The following RASGRF1 variants were observed in gnomAD, a reference collection of about 807,000 sequenced individuals.
RASGRF1 encodes Ras protein specific guanine nucleotide releasing factor 1, also known as ras-specific guanine nucleotide-releasing factor 1.
Under a neutral mutation model 138.7 loss-of-function variants are expected in RASGRF1, and 40 were observed. That is an observed-to-expected ratio of 0.29 (90% CI 0.22 to 0.38). The LOEUF (loss-of-function observed/expected upper bound fraction) is 0.38, where lower values mean the gene tolerates loss of function less well. Ranked by LOEUF, RASGRF1 falls within the 10% of genes least tolerant of loss-of-function variation. The pLI is 1.00. For missense variants in RASGRF1, 1,108 were observed against 1,650.4 expected, an observed-to-expected ratio of 0.67 and a Z score of 5.69; for synonymous variants, 614 against 663.2, an observed-to-expected ratio of 0.93 and a Z score of 1.14.
At chr15:78,980,761 G>A in intron 23 of RASGRF1, 62 bp from the exon 24 acceptor site, 3 of 1,296,100 alleles carry the variant, frequency 2.3e-6, no homozygotes, top group Non-Finnish European at 3.3e-6. Context: ...GAGGCCCGGG[G>A]ATCAGGCCCA....
At chr15:78,967,884 A>G (rs543597095) in intron 26 of RASGRF1, among the ~76,000 whole-genome samples, 25 of 152,340 alleles carry the variant, frequency 1.6e-4, no homozygotes, top group South Asian at 1.4e-3. Flanking sequence ...ATTCTCTTAC[A>G]TAACCATAAC....
Position 78,973,451 on chromosome 15 carries a change from T to A in RASGRF1, c.3495-31A>T, listed in dbSNP as rs374574707. The A allele has an allele frequency of 2.7e-5, 41 of 1,518,644 alleles. No individual in the cohort carries two copies. The highest frequency in any genetic ancestry group is 3.6e-5 in the Non-Finnish European group (40 of 1,102,380). 94.1% of individuals were successfully genotyped at this position (1,518,644 alleles called of 1,614,324 possible). ...AAGCAAACGGCATTAACACAAGTTTTTCATTTTAAAAAAGTAACGTCTACC... is the reference window on the plus strand; with the variant it reads ...AAGCAAACGGCATTAACACAAGTTTATCATTTTAAAAAAGTAACGTCTACC... On this transcript the variant is annotated intron_variant, in intron 24 of 26. Coordinates refer to ENST00000558480, the MANE Select transcript of RASGRF1 (RefSeq NM_001145648.3). This position sits in a 1 kb window ranked among gnomAD's most constrained non-coding sequence, Gnocchi z 4.9.
chr15:79,040,459 A>G (rs1370521769), intron 5 of RASGRF1, among the ~76,000 whole-genome samples: 3 of 152,122 alleles, frequency 2.0e-5, no homozygotes, highest in African/African-American at 7.2e-5. Context: ...TTGGCCTTCA[A>G]CACCCTGTAG....
At chr15:79,052,083 A>G (rs938269546) in intron 3 of RASGRF1, among the ~76,000 whole-genome samples, 1 of 151,858 alleles carries the variant, frequency 6.6e-6, no homozygotes, top group African/African-American at 2.4e-5. Context: ...TCACACCCTG[A>G]CTCTGGCTGG....
intron 26 of RASGRF1, among the ~76,000 whole-genome samples, chr15:78,967,126 A>G (rs12439799): frequency 0.015 from 2,284 of 152,092 alleles, 59 homozygotes; most frequent in Admixed American, 0.065. Flanking sequence ...TGTCTCTATA[A>G]AAAAATAAAA....
intron 14 of RASGRF1, among the ~76,000 whole-genome samples, chr15:79,004,414 C>T (rs2141715892): frequency 6.6e-6 from 1 of 152,262 alleles, no homozygotes; most frequent in Non-Finnish European, 1.5e-5. Flanking sequence ...TGCTCCGCCC[C>T]CCCACCCCCT....
intron 23 of RASGRF1, 108 bp from the exon 24 acceptor site, chr15:78,980,807 G>T (rs767292005): frequency 7.8e-5 from 63 of 809,356 alleles, no homozygotes; most frequent in Non-Finnish European, 1.0e-4. Context: ...CTCCAGAATT[G>T]CCTTCCCTTG....
chr15:78,972,381 G>A (rs562170254), intron 25 of RASGRF1, among the ~76,000 whole-genome samples: 5 of 149,102 alleles, frequency 3.4e-5, no homozygotes, highest in East Asian at 3.9e-4. Context: ...AGGTGTGAGC[G>A]ACCACACCCG....
At chr15:78,991,146 T>C (rs1280051061) in intron 21 of RASGRF1, among the ~76,000 whole-genome samples, 1 of 152,268 alleles carries the variant, frequency 6.6e-6, no homozygotes. Context: ...TGTTAGAGAA[T>C]GCTGTGTACT....
chr15:78,970,150 G>C lies in RASGRF1; in HGVS notation c.3681+1716C>G, dbSNP rs1478082558. 9.8e-5 allele frequency among the ~76,000 whole-genome samples: 15 copies of C among 152,302 alleles called. No individual in the cohort carries two copies. The East Asian group carries it at 2.9e-3, about 29-fold the overall frequency. ...TTGATTTTCCGGTGTGCTTGAGGGT[G>C]TGTCTGGAGCTGGATGTTTTTGTGA... On this transcript the variant is annotated intron_variant, in intron 26 of 26. Transcript: ENST00000558480.
intron 23 of RASGRF1, chr15:78,981,330 G>A (rs1020690373): frequency 2.6e-5 from 4 of 152,206 alleles, no homozygotes; most frequent in East Asian, 1.9e-4. Flanking sequence ...GGAGCACCCC[G>A]GGTCAAGCCT....
Position 79,050,237 on chromosome 15 carries a change from G to A in RASGRF1, c.532-649C>T, listed in dbSNP as rs538054946. ...ACTCCTCTAGGTACCTCATCTAAGC[G>A]GAATCATGCACTATTTGTCTTTCTG... On this transcript the variant is annotated intron_variant, in intron 3 of 26. Transcript: ENST00000558480. The surrounding 1 kb of genome is among the most constrained non-coding windows in gnomAD (Gnocchi z 4.1). Among the ~76,000 whole-genome samples, 31 of 152,138 alleles carry A rather than the reference G, an allele frequency of 2.0e-4. No homozygotes were observed. The South Asian group carries it at 4.2e-3, about 20-fold the overall frequency.
Position 79,006,584 on chromosome 15 carries a change from G to A in RASGRF1, c.1827-150C>T. 2.1e-6 allele frequency: 2 copies of A among 964,572 alleles called. No homozygotes were observed. The highest frequency in any genetic ancestry group is 2.7e-5 in the East Asian group (1 of 37,664). 59.8% of individuals were successfully genotyped at this position (964,572 alleles called of 1,614,324 possible). ...AAGCTTGGGAAGGATGACACTGAAG[G>A]AGGGCTACAACTTCTTTTTCCCAAT... On this transcript the variant is annotated intron_variant, in intron 13 of 26. Coordinates refer to ENST00000558480, the MANE Select transcript of RASGRF1 (RefSeq NM_001145648.3). The surrounding 1 kb of genome is among the most constrained non-coding windows in gnomAD (Gnocchi z 4.0).
intron 5 of RASGRF1, among the ~76,000 whole-genome samples, chr15:79,042,572 T>A (rs1403912254): frequency 6.6e-6 from 1 of 152,222 alleles, no homozygotes; most frequent in Non-Finnish European, 1.5e-5. Flanking sequence ...GAAAATGGGT[T>A]GCTGGAGAGA....
At position 79,001,692 on chromosome 15, in the gene RASGRF1, G is replaced by C. The variant is rs777766335; in HGVS notation, c.2545C>G (p.Pro849Ala). The change falls in exon 16 of 27, where the codon CCC (proline) becomes GCC (alanine). Residue 849 changes from proline (P) to alanine (A), a missense_variant. Pro to Ala is a conservative substitution (Grantham distance 27). Transcript: ENST00000558480. ...GAATTTTTGTTTTTGACTGATTTGG[G>C]TGTTGTTGGAGATTTAGTTGGTGAT... The part of the protein sequence containing the change: ...ETSPTKSPTT[P>A]KSVKNKNSSE... The C allele has an allele frequency of 1.2e-6, 2 of 1,612,224 alleles. No homozygotes were observed. The highest frequency in any genetic ancestry group is 1.7e-6 in the Non-Finnish European group (2 of 1,178,364).
chr15:79,052,690 A>G lies in RASGRF1; in HGVS notation c.532-3102T>C, dbSNP rs540692746. ...CAAGGCTCCCCAGGAAAGGTTTTGA[A>G]GGGCAAACAGGAGTCCAACAGTTGG... On this transcript the variant is annotated intron_variant, in intron 3 of 26. Transcript: ENST00000558480. Among the ~76,000 whole-genome samples, 28 of 152,360 alleles carry G rather than the reference A, an allele frequency of 1.8e-4. No individual in the cohort carries two copies. In the East Asian group the frequency reaches 5.4e-3, roughly 29 times the overall value.
Position 79,058,391 on chromosome 15 carries a change from C to T in RASGRF1, c.474G>A (p.Lys158=), listed in dbSNP as rs748041469. 1 of 1,614,202 alleles carries T rather than the reference C, an allele frequency of 6.2e-7. No homozygotes were observed. ...CATCCTCGATCTGCTGCCGAAGCTG[C>T]TTGGCCACGGTCTTCTCTGTCTCCA... The part of the protein sequence containing the change: ...QIVETEKTVA[K]QLRQQIEDGE... The change falls in exon 3 of 27, where the codon AAG becomes AAA. Residue 158 remains lysine (K), a synonymous_variant. Transcript: ENST00000558480.
chr15:78,994,616 C>T (rs992991267), intron 20 of RASGRF1, among the ~76,000 whole-genome samples: 3 of 152,190 alleles, frequency 2.0e-5, no homozygotes, highest in Admixed American at 6.5e-5. Context: ...GTGCACATCA[C>T]TGACTTGGAA....
chr15:79,017,804 T>G lies in RASGRF1; in HGVS notation c.1709A>C (p.Gln570Pro). The change falls in exon 12 of 27, where the codon CAG becomes CCG. Residue 570 changes from glutamine (Q) to proline (P), a missense_variant. This residue lies in a region of RASGRF1 where 686 missense variants were observed against 976.7 expected (regional missense o/e 0.70). Coordinates refer to ENST00000558480, the MANE Select transcript of RASGRF1 (RefSeq NM_001145648.3). ...GTCACTGGTCCACGCTGCCTTCTCC[T>G]GTCTGGACGAGGCCACTAGGATGAC... ...FTVILVASSR[Q>P]EKAAWTSDIS... 1 of 1,611,950 alleles carries G rather than the reference T, an allele frequency of 6.2e-7. No homozygotes were observed. The highest frequency in any genetic ancestry group is 8.5e-7 in the Non-Finnish European group (1 of 1,179,328).
Sources: allele counts gnomAD v4.1 joint callset (sites outside exome capture counted in the v4.1 genomes callset), GRCh38; gene constraint gnomAD v4.1.1; regional missense constraint gnomAD v4.1.1; non-coding constraint Gnocchi (gnomAD v3.1); transcripts MANE v1.5; gene names NCBI Gene and HGNC (gene_info 2026-07-23, HGNC 2026-07-21).